Variants in ST7L observed in about 807,000 individuals in gnomAD.
ST7L encodes the protein suppression of tumorigenicity 7 like.
A neutral mutation model predicts 72.5 loss-of-function variants in ST7L; 57 were observed. That is an observed-to-expected ratio of 0.79 (90% CI 0.64 to 0.98). The LOEUF is 0.98. Among genes scored for constraint, ST7L ranks in the 50% least tolerant of loss-of-function variants. The pLI is 0.00. For missense variants in ST7L, 576 were observed against 672.2 expected (o/e 0.86, Z 1.58); for synonymous variants, 221 against 240.9 (o/e 0.92, Z 0.77).
chr1:112,589,430 T>G (rs888197638), intron 6 of ST7L, among the ~76,000 whole-genome samples: 5 of 152,180 alleles, frequency 3.3e-5, no homozygotes, highest in Admixed American at 3.3e-4. Context: ...GTTTTCTTGT[T>G]TCTTTGCATG....
At chr1:112,576,488 T>C (rs907372833) in intron 11 of ST7L, among the ~76,000 whole-genome samples, 7 of 152,150 alleles carry the variant, frequency 4.6e-5, no homozygotes, top group Non-Finnish European at 1.0e-4. Flanking sequence ...AGCAAGTATA[T>C]AGACTCATTG....
At position 112,591,529 on chromosome 1, in the gene ST7L, T is replaced by C. The variant is rs1234013795; in HGVS notation, c.697A>G (p.Asn233Asp). 6.2e-7 allele frequency: 1 copy of C among 1,607,872 alleles called. No individual in the cohort carries two copies. The highest frequency in any genetic ancestry group is 1.7e-5 in the Admixed American group (1 of 58,876). Residue 233 changes from asparagine to aspartate, a missense_variant, in exon 6 of 15, where the codon AAT (asparagine) becomes GAT (aspartate). This residue lies in a region of ST7L where 511 missense variants were observed against 600.7 expected (regional missense o/e 0.85). Transcript: ENST00000358039. ...KAAYQALELN[N>D]DCATAYVLLA... ...TTCCATATATTTCAAACTTACTCAT[T>C]GTTTAATTCTAAAGCTTGATAGGCT...
intron 11 of ST7L, among the ~76,000 whole-genome samples, chr1:112,556,966 CAAAAAAAAAAAAAAAAAACAA>C (rs1423685760): frequency 4.0e-5 from 2 of 49,524 alleles, no homozygotes; most frequent in African/African-American, 1.4e-4. Flanking sequence ...GACTCTGTCT[CAAAAAAAAAAAAAAAAAACAA>C]AAAAAAAAAA....
intron 2 of ST7L, among the ~76,000 whole-genome samples, chr1:112,614,474 A>G (rs1669548624): frequency 6.6e-6 from 1 of 152,240 alleles, no homozygotes; most frequent in African/African-American, 2.4e-5. Flanking sequence ...GCTTATATTA[A>G]CATGTAGTTT....
intron 13 of ST7L, among the ~76,000 whole-genome samples, chr1:112,550,175 T>C (rs1557962941): frequency 6.6e-6 from 1 of 152,332 alleles, no homozygotes; most frequent in South Asian, 2.1e-4. Flanking sequence ...AGTTTCCTAA[T>C]ATTTTGTTGA....
chr1:112,530,749 A>G (rs1557938006), intron 14 of ST7L, among the ~76,000 whole-genome samples: 1 of 152,140 alleles, frequency 6.6e-6, no homozygotes, highest in Non-Finnish European at 1.5e-5. Flanking sequence ...TCCCAAAGTC[A>G]TATCCCCAGT....
rs766735369 is a variant in ST7L, at chr1:112,582,411, T to C, written c.918A>G (p.Leu306=). The change falls in exon 8 of 15, where the codon TTA becomes TTG. Residue 306 remains leucine (L), a synonymous_variant. Coordinates refer to ENST00000358039, the MANE Select transcript of ST7L (RefSeq NM_017744.5). The stretch of plus-strand genomic sequence containing the variant: ...TTTTTACTGCTTCTCTTATTCTTCC[T>C]AATTTTCTTGCACACATTGCCAATC... ...KRRLAMCARK[L]GRIREAVKIM... 9 of 1,608,504 alleles carry C rather than the reference T, an allele frequency of 5.6e-6. No individual in the cohort carries two copies. The East Asian group carries it at 1.8e-4, about 32-fold the overall frequency.
chr1:112,542,747 CTAAATAAAT>C (rs1656331591), intron 13 of ST7L, among the ~76,000 whole-genome samples: 1 of 142,838 alleles, frequency 7.0e-6, no homozygotes, highest in African/African-American at 2.6e-5. Context: ...AGACCTGTCT[CTAAATAAAT>C]AAATAAATAA....
At chr1:112,614,750 T>C (rs9429486) in intron 2 of ST7L, among the ~76,000 whole-genome samples, 86,234 of 151,774 alleles carry the variant, frequency 0.57, 25,004 homozygotes, top group East Asian at 0.72. Context: ...CGTCTGAGAC[T>C]ACCCTGAACA....
intron 3 of ST7L, 144 bp from the exon 4 acceptor site, chr1:112,600,992 A>G: frequency 1.5e-6 from 1 of 682,580 alleles, no homozygotes. Flanking sequence ...TTCAAAAAAC[A>G]GAATTAAATC....
intron 6 of ST7L, among the ~76,000 whole-genome samples, chr1:112,586,020 A>G (rs1192186271): frequency 6.6e-6 from 1 of 152,220 alleles, no homozygotes; most frequent in Admixed American, 6.5e-5. Context: ...CCATTTCATC[A>G]TCCTTCAAAT....
chr1:112,593,957 A>G (rs144457916), intron 5 of ST7L, among the ~76,000 whole-genome samples: 5 of 152,310 alleles, frequency 3.3e-5, no homozygotes, highest in African/African-American at 1.2e-4. Flanking sequence ...GATCATTCAC[A>G]GATACACTCT....
chr1:112,607,458 G>C (rs1448251424), intron 3 of ST7L: 1 of 152,092 alleles, frequency 6.6e-6, no homozygotes, highest in Admixed American at 6.6e-5. Flanking sequence ...AAATTACTCT[G>C]GCATGGTGGC....
intron 1 of ST7L, chr1:112,617,113 A>G (rs1670005024): frequency 6.5e-6 from 2 of 309,158 alleles, no homozygotes; most frequent in Admixed American, 5.0e-5. Context: ...GCTTTGGAGA[A>G]TAAAACTAAA....
intron 6 of ST7L, among the ~76,000 whole-genome samples, chr1:112,590,856 T>C (rs997653134): frequency 3.9e-5 from 6 of 152,110 alleles, no homozygotes; most frequent in East Asian, 1.9e-4. Flanking sequence ...GTACTCAAGA[T>C]TGAATGCTTT....
chr1:112,525,944 C>G lies in ST7L; in HGVS notation c.*69G>C. 1 of 1,600,722 alleles carries G rather than the reference C, an allele frequency of 6.2e-7. No homozygotes were observed. The highest frequency in any genetic ancestry group is 8.5e-7 in the Non-Finnish European group (1 of 1,170,750). ...CAACAACCCTGTGAGGTAGGGGTTACTGTCACTTTACAGATGCTGTTCAGA... is the reference window on the plus strand; with the variant it reads ...CAACAACCCTGTGAGGTAGGGGTTAGTGTCACTTTACAGATGCTGTTCAGA... On this transcript the variant is annotated 3_prime_UTR_variant, in exon 15 of 15. Coordinates refer to ENST00000358039, the MANE Select transcript of ST7L (RefSeq NM_017744.5).
At chr1:112,592,959 G>C (rs1665918144) in intron 5 of ST7L, among the ~76,000 whole-genome samples, 1 of 151,844 alleles carries the variant, frequency 6.6e-6, no homozygotes, top group Non-Finnish European at 1.5e-5. Flanking sequence ...GAAAAAAAAA[G>C]ACTCCAGATA....
intron 2 of ST7L, among the ~76,000 whole-genome samples, chr1:112,613,157 C>A (rs113560435): frequency 0.019 from 2,912 of 151,758 alleles, 35 homozygotes; most frequent in African/African-American, 0.029. Flanking sequence ...TCAAGGGCAA[C>A]AACAACACAC....
chr1:112,613,161 A>C (rs1166754967), intron 2 of ST7L, among the ~76,000 whole-genome samples: 1 of 152,086 alleles, frequency 6.6e-6, no homozygotes, highest in Non-Finnish European at 1.5e-5. Flanking sequence ...GGGCAACAAC[A>C]ACACACTTCC....
Sources: gnomAD v4.1 joint callset for allele counts (sites outside exome capture counted in the v4.1 genomes callset) on GRCh38, gnomAD v4.1.1 for gene constraint, gnomAD v4.1.1 regional missense constraint, MANE v1.5 for transcripts, NCBI Gene and HGNC (gene_info 2026-07-23, HGNC 2026-07-21) for gene names.